The following ANKRD33B variants were observed in gnomAD, a reference collection of about 807,000 sequenced individuals.
The protein encoded by ANKRD33B is ankyrin repeat domain 33B, also known as ankyrin repeat domain-containing protein 33B.
In ANKRD33B, 6 loss-of-function variants were observed where a neutral mutation model predicts 21.5. That is an observed-to-expected ratio of 0.28 (90% CI 0.15 to 0.55). The LOEUF (loss-of-function observed/expected upper bound fraction) is 0.55, where lower values mean the gene tolerates loss of function less well. Among genes scored for constraint, ANKRD33B ranks in the 20% least tolerant of loss-of-function variants. ANKRD33B has a pLI of 0.94. For missense variants in ANKRD33B, 698 were observed against 747.2 expected (o/e 0.93, Z 0.77); for synonymous variants, 347 against 342.4 (o/e 1.01, Z -0.15).
At chr5:10,614,509 G>T (rs1220579628) in intron 1 of ANKRD33B, among the ~76,000 whole-genome samples, 1 of 152,148 alleles carries the variant, frequency 6.6e-6, no homozygotes, top group Non-Finnish European at 1.5e-5. Flanking sequence ...GGCCTCAAGT[G>T]GTCTTCCCAC....
At chr5:10,628,946 C>G (rs896480489) in intron 2 of ANKRD33B, among the ~76,000 whole-genome samples, 1 of 152,014 alleles carries the variant, frequency 6.6e-6, no homozygotes, top group African/African-American at 2.4e-5. Context: ...GTGCAGAGGC[C>G]ACTAGATTAG....
chr5:10,625,012 C>T (rs1344188844), intron 2 of ANKRD33B: 3 of 340,452 alleles, frequency 8.8e-6, no homozygotes, highest in Non-Finnish European at 1.7e-5. Flanking sequence ...CGGCAAAGGA[C>T]CCCTCTCAGT....
At chr5:10,620,592 C>T (rs1736399949) in intron 2 of ANKRD33B, among the ~76,000 whole-genome samples, 1 of 152,216 alleles carries the variant, frequency 6.6e-6, no homozygotes, top group East Asian at 1.9e-4. Context: ...GAGATAATAG[C>T]TGTGCTTTGA....
At chr5:10,566,517 G>C (rs1431193308) in intron 1 of ANKRD33B, among the ~76,000 whole-genome samples, 1 of 152,242 alleles carries the variant, frequency 6.6e-6, no homozygotes, top group Non-Finnish European at 1.5e-5. Flanking sequence ...GGGCAGCCTG[G>C]TGGTCTCCAG....
At chr5:10,635,920 C>T (rs528477774) in intron 2 of ANKRD33B, among the ~76,000 whole-genome samples, 1 of 152,370 alleles carries the variant, frequency 6.6e-6, no homozygotes, top group Admixed American at 6.5e-5. Flanking sequence ...CTGGAGATCT[C>T]AGCCGCAGCG....
chr5:10,577,018 G>T (rs553821040), intron 1 of ANKRD33B, among the ~76,000 whole-genome samples: 21 of 152,222 alleles, frequency 1.4e-4, no homozygotes, highest in Non-Finnish European at 2.6e-4. Context: ...TTTCAAGAAG[G>T]GGGAGGAAGC....
At chr5:10,613,113 C>T (rs1245074954) in intron 1 of ANKRD33B, among the ~76,000 whole-genome samples, 1 of 152,100 alleles carries the variant, frequency 6.6e-6, no homozygotes, top group Non-Finnish European at 1.5e-5. Flanking sequence ...CTCTGGGGCT[C>T]CCTGGGCCTC....
intron 1 of ANKRD33B, among the ~76,000 whole-genome samples, 161 bp from the exon 2 acceptor site, chr5:10,618,172 G>T (rs749119996): frequency 1.3e-5 from 2 of 152,156 alleles, no homozygotes; most frequent in Non-Finnish European, 2.9e-5. Context: ...GGATCGAGCG[G>T]CTGGCTCACT....
In ANKRD33B at chr5:10,640,156, G is replaced by A. The variant is rs115054036; in HGVS notation, c.637+1988G>A. On this transcript the variant is annotated intron_variant, in intron 3 of 3. Coordinates refer to ENST00000296657, the MANE Select transcript of ANKRD33B (RefSeq NM_001164440.2). ...CGTGGAGTTGTGTGGTGATGTTAGC[G>A]GGTGATGTGGAGTTGCGTGGTAATG... 5.2e-3 allele frequency among the ~76,000 whole-genome samples: 779 copies of A among 149,816 alleles called. 17 individuals are homozygous for A. Among genetic ancestry groups the A allele is most frequent in the African/African-American group, 0.018 (734 of 41,008 alleles).
chr5:10,597,906 A>G (rs959572589), intron 1 of ANKRD33B, among the ~76,000 whole-genome samples: 4 of 152,172 alleles, frequency 2.6e-5, no homozygotes, highest in African/African-American at 9.7e-5. Context: ...TATCTTGTAC[A>G]TACATGTGTT....
chr5:10,636,190 G>A (rs1265282538), intron 2 of ANKRD33B, among the ~76,000 whole-genome samples: 6 of 152,158 alleles, frequency 3.9e-5, no homozygotes, highest in Non-Finnish European at 7.3e-5. Context: ...GTGATGCCAA[G>A]TTAAGGAGAG....
At chr5:10,626,792 AGAGTATCGTT>A (rs1385782572) in intron 2 of ANKRD33B, among the ~76,000 whole-genome samples, 4 of 152,260 alleles carry the variant, frequency 2.6e-5, no homozygotes, top group African/African-American at 9.6e-5. Flanking sequence ...AGGCTCCAGC[AGAGTATCGTT>A]GCCATCTCAC....
At chr5:10,605,095 G>A (rs1736017570) in intron 1 of ANKRD33B, among the ~76,000 whole-genome samples, 1 of 152,224 alleles carries the variant, frequency 6.6e-6, no homozygotes, top group Admixed American at 6.5e-5. Flanking sequence ...GGTGCTGGCA[G>A]TTAGCTGGGG....
intron 1 of ANKRD33B, among the ~76,000 whole-genome samples, chr5:10,604,189 G>GATTTTTT (rs1158333747): frequency 2.0e-5 from 2 of 98,194 alleles, no homozygotes; most frequent in Non-Finnish European, 4.1e-5. Flanking sequence ...ACCGCGCCTG[G>GATTTTTT]CTTTTTTTTT....
At chr5:10,637,878 TTC>T in intron 2 of ANKRD33B, 148 bp from the exon 3 acceptor site, 1 of 863,890 alleles carries the variant, frequency 1.2e-6, no homozygotes, top group South Asian at 1.8e-5. Flanking sequence ...TCCAGGAGAA[TTC>T]TGTCTTGGGG....
At chr5:10,640,449 C>T (rs1737022283) in intron 3 of ANKRD33B, among the ~76,000 whole-genome samples, 2 of 152,192 alleles carry the variant, frequency 1.3e-5, no homozygotes, top group Non-Finnish European at 2.9e-5. Flanking sequence ...AGCTAAATGC[C>T]ACACAACTAA....
chr5:10,565,293 C>T (rs1236441236), intron 1 of ANKRD33B, among the ~76,000 whole-genome samples: 1 of 152,262 alleles, frequency 6.6e-6, no homozygotes, highest in Non-Finnish European at 1.5e-5. Flanking sequence ...CCCCTGGGCC[C>T]CTCGCGCCGC....
chr5:10,629,447 G>T (rs1354425326), intron 2 of ANKRD33B, among the ~76,000 whole-genome samples: 1 of 152,172 alleles, frequency 6.6e-6, no homozygotes, highest in Admixed American at 6.5e-5. Context: ...CAGCCGTCTG[G>T]CTTGGGTGAT....
At chr5:10,628,936 G>T (rs1405753756) in intron 2 of ANKRD33B, among the ~76,000 whole-genome samples, 15 of 152,146 alleles carry the variant, frequency 9.9e-5, no homozygotes, top group Non-Finnish European at 1.6e-4. Context: ...GGGACTCCTT[G>T]TGCAGAGGCC....
Sources: gnomAD v4.1 joint callset for allele counts (sites outside exome capture counted in the v4.1 genomes callset) on GRCh38, gnomAD v4.1.1 for gene constraint, MANE v1.5 for transcripts, NCBI Gene and HGNC (gene_info 2026-07-23, HGNC 2026-07-21) for gene names.